The following BAZ1B variants were observed in gnomAD, a reference collection of about 807,000 sequenced individuals.
BAZ1B encodes bromodomain adjacent to zinc finger domain 1B, also known as tyrosine-protein kinase BAZ1B.
Under a neutral mutation model 153.8 loss-of-function variants are expected in BAZ1B, and 22 were observed. The ratio of observed to expected loss-of-function variants is 0.14; its 90% CI spans 0.10 to 0.20. BAZ1B has a LOEUF of 0.20. Ranked by LOEUF, BAZ1B falls within the 10% of genes least tolerant of loss-of-function variation. The pLI is 1.00. For synonymous variants in BAZ1B, 676 were observed against 633.4 expected (o/e 1.07, Z -1.01); for missense variants, 1,325 against 1,799.3 (o/e 0.74, Z 4.77).
intron 3 of BAZ1B, among the ~76,000 whole-genome samples, chr7:73,502,024 G>A (rs1029994571): frequency 1.3e-5 from 2 of 151,564 alleles, no homozygotes; most frequent in Non-Finnish European, 2.9e-5. Flanking sequence ...CCAAGTAGCT[G>A]GGACTACAGG....
chr7:73,511,501 AAAAAAT>A lies in BAZ1B; in HGVS notation c.108-655_108-650del, dbSNP rs546083749. Among the ~76,000 whole-genome samples, 23 of 150,570 alleles carry A rather than the reference AAAAAAT, an allele frequency of 1.5e-4. No individual in the cohort carries two copies. The East Asian group carries it at 4.5e-3, about 29-fold the overall frequency. On this transcript the variant is annotated intron_variant, in intron 1 of 19. Coordinates refer to ENST00000339594, the MANE Select transcript of BAZ1B (RefSeq NM_032408.4). Reference sequence around the variant, plus strand: ...CAACATGATGAGACCTCATCTCTACAAAAAATAAAAATAAAAAATAATAAAAATGGT... The same window carrying A: ...CAACATGATGAGACCTCATCTCTACAAAAAATAAAAAATAATAAAAATGGT...
intron 6 of BAZ1B, among the ~76,000 whole-genome samples, chr7:73,485,997 T>C (rs994143621): frequency 2.0e-5 from 3 of 152,186 alleles, no homozygotes; most frequent in Non-Finnish European, 4.4e-5. Flanking sequence ...TTGTAAATCA[T>C]TCCTCCAAGT....
chr7:73,498,496 C>T lies in BAZ1B; in HGVS notation c.571+1G>A. 1 of 1,612,060 alleles carries T rather than the reference C, an allele frequency of 6.2e-7. No homozygotes were observed. Among genetic ancestry groups the T allele is most frequent in the Non-Finnish European group, 8.5e-7 (1 of 1,178,328 alleles). ...CTAAGGAAAGCTAATATCAAACATA[C>T]TAATACTCTCTCTCCTTCCTTCATC... is the stretch of plus-strand genomic sequence containing the variant. On this transcript the variant is annotated splice_donor_variant, in intron 4 of 19. Coordinates refer to ENST00000339594, the MANE Select transcript of BAZ1B (RefSeq NM_032408.4). LOFTEE classifies it high-confidence loss of function.
intron 13 of BAZ1B, among the ~76,000 whole-genome samples, chr7:73,458,566 C>T (rs995741936): frequency 1.3e-5 from 2 of 150,914 alleles, no homozygotes; most frequent in Non-Finnish European, 2.9e-5. Flanking sequence ...ATTCCAGCTA[C>T]TTGGGAGGCT....
At chr7:73,484,836 G>C (rs775001193) in intron 6 of BAZ1B, among the ~76,000 whole-genome samples, 2 of 152,022 alleles carry the variant, frequency 1.3e-5, no homozygotes, top group African/African-American at 4.8e-5. Flanking sequence ...ATTTCAAAAC[G>C]TCAAGGTTTT....
chr7:73,510,410 G>C (rs1554578417), intron 2 of BAZ1B, among the ~76,000 whole-genome samples: 1 of 152,064 alleles, frequency 6.6e-6, no homozygotes, highest in African/African-American at 2.4e-5. Context: ...GCCTGGGCGA[G>C]AGCGAGATTC....
intron 6 of BAZ1B, among the ~76,000 whole-genome samples, chr7:73,487,063 T>C (rs368503534): frequency 1.3e-5 from 2 of 152,350 alleles, no homozygotes; most frequent in East Asian, 1.9e-4. Flanking sequence ...GTATTTTACA[T>C]GAGTCTTAAG....
chr7:73,475,838 C>G (rs1260243141), intron 7 of BAZ1B, among the ~76,000 whole-genome samples: 1 of 150,620 alleles, frequency 6.6e-6, no homozygotes, highest in South Asian at 2.1e-4. Context: ...GCAGGAGAAT[C>G]GCTTGAATCC....
At chr7:73,496,067 T>C (rs1251828992) in intron 4 of BAZ1B, among the ~76,000 whole-genome samples, 1 of 152,112 alleles carries the variant, frequency 6.6e-6, no homozygotes, top group Non-Finnish European at 1.5e-5. Flanking sequence ...CAAGAAGAAA[T>C]CTCTGCTTTT....
Position 73,510,832 on chromosome 7 carries a change from T to G in BAZ1B, c.128A>C (p.Glu43Ala). 2 of 1,614,072 alleles carry G rather than the reference T, an allele frequency of 1.2e-6. No individual in the cohort carries two copies. Among genetic ancestry groups the G allele is most frequent in the South Asian group, 1.1e-5 (1 of 91,088 alleles). ...CGTCCAAATGCGCTCACTGTACCTT[T>G]CCAAGCGGGCTTCATACTCTCTGTT... is the stretch of plus-strand genomic sequence containing the variant. The part of the protein sequence containing the change: ...RTREEYEARL[E>A]RYSERIWTCK... Residue 43 changes from glutamate (E) to alanine (A), a missense_variant, in exon 2 of 20, where the codon GAA becomes GCA. This residue lies in a region of BAZ1B where 61 missense variants were observed against 61.5 expected (regional missense o/e 0.99). Coordinates refer to ENST00000339594, the MANE Select transcript of BAZ1B (RefSeq NM_032408.4).
At chr7:73,478,686 T>C in intron 6 of BAZ1B, 117 bp from the exon 7 acceptor site, 1 of 836,044 alleles carries the variant, frequency 1.2e-6, no homozygotes, top group Non-Finnish European at 1.7e-6. Flanking sequence ...CATATTCATA[T>C]CTCTTCATAG....
intron 2 of BAZ1B, among the ~76,000 whole-genome samples, chr7:73,510,365 C>T (rs377118329): frequency 6.7e-6 from 1 of 150,286 alleles, no homozygotes; most frequent in East Asian, 2.0e-4. Flanking sequence ...GGAGGCGGAG[C>T]TTGCAGTGAG....
At chr7:73,494,965 G>A (rs1436263858) in intron 4 of BAZ1B, among the ~76,000 whole-genome samples, 1 of 152,190 alleles carries the variant, frequency 6.6e-6, no homozygotes, top group East Asian at 1.9e-4. Flanking sequence ...AGTCAATTCA[G>A]CTTTACACAT....
At chr7:73,509,216 G>T (rs1790474850) in intron 2 of BAZ1B, among the ~76,000 whole-genome samples, 1 of 151,856 alleles carries the variant, frequency 6.6e-6, no homozygotes, top group African/African-American at 2.4e-5. Context: ...CAGCTACTCG[G>T]GAGGCTGAGG....
chr7:73,485,526 T>G (rs571161412), intron 6 of BAZ1B, among the ~76,000 whole-genome samples: 1 of 150,962 alleles, frequency 6.6e-6, no homozygotes, highest in African/African-American at 2.4e-5. Context: ...GTCAGAAGCA[T>G]GAGGTGGGAG....
At chr7:73,473,197 C>T (rs1206036581) in intron 7 of BAZ1B, among the ~76,000 whole-genome samples, 4 of 152,208 alleles carry the variant, frequency 2.6e-5, no homozygotes, top group African/African-American at 9.6e-5. Flanking sequence ...GCCTCAGCCT[C>T]CCGAAGTGTA....
At position 73,462,857 on chromosome 7, in the gene BAZ1B, A is replaced by AC. The variant is rs1456292924; in HGVS notation, c.3249+64dup. The AC allele has an allele frequency of 8.4e-6, 13 of 1,555,048 alleles. No homozygotes were observed. The Middle Eastern group carries it at 6.8e-4, about 82-fold the overall frequency. ...GTCATGTTGGGAAGTCAAGAACAGC[A>AC]CCAGGGAAGAACTTCAGATTGAGTT... On this transcript the variant is annotated intron_variant, in intron 12 of 19. Transcript: ENST00000339594.
chr7:73,483,376 C>T (rs140280127), intron 6 of BAZ1B, among the ~76,000 whole-genome samples: 122 of 152,254 alleles, frequency 8.0e-4, no homozygotes, highest in Middle Eastern at 3.4e-3. Flanking sequence ...CCTTGGCAAT[C>T]CATATTGATT....
chr7:73,518,391 C>T (rs1279526639), intron 1 of BAZ1B, among the ~76,000 whole-genome samples: 2 of 151,122 alleles, frequency 1.3e-5, no homozygotes, highest in African/African-American at 4.9e-5. Flanking sequence ...CCAGCCTGGG[C>T]GACAGAGCGA....
Sources: allele counts gnomAD v4.1 joint callset (sites outside exome capture counted in the v4.1 genomes callset), GRCh38; gene constraint gnomAD v4.1.1; regional missense constraint gnomAD v4.1.1; transcripts MANE v1.5; gene names NCBI Gene and HGNC (gene_info 2026-07-23, HGNC 2026-07-21).